Variants in CDH18 observed in about 807,000 individuals in gnomAD.
CDH18 encodes the protein cadherin-18.
A neutral mutation model predicts 67.9 loss-of-function variants in CDH18; 31 were observed. The ratio of observed to expected loss-of-function variants is 0.46; its 90% CI spans 0.34 to 0.62. The LOEUF (loss-of-function observed/expected upper bound fraction) is 0.62, where lower values mean the gene tolerates loss of function less well. Ranked by LOEUF, CDH18 falls within the 20% of genes least tolerant of loss-of-function variation. The probability of loss-of-function intolerance (pLI) is 0.01; values close to 1 mark genes in which losing one functional copy is unlikely to be tolerated. For missense variants in CDH18, 890 were observed against 975.5 expected, an observed-to-expected ratio of 0.91 and a Z score of 1.17; for synonymous variants, 362 against 347.2, an observed-to-expected ratio of 1.04 and a Z score of -0.48.
intron 2 of CDH18, among the ~76,000 whole-genome samples, chr5:19,976,250 TA>T (rs1798487976): frequency 6.6e-6 from 1 of 152,068 alleles, no homozygotes; most frequent in Non-Finnish European, 1.5e-5. Context: ...CATAATACAT[TA>T]AAAAGATCTA....
chr5:19,986,803 C>A (rs1799609522), intron 1 of CDH18, among the ~76,000 whole-genome samples: 1 of 152,096 alleles, frequency 6.6e-6, no homozygotes, highest in Non-Finnish European at 1.5e-5. Context: ...TAGGCTGGAC[C>A]TCAAACTCCT....
intron 1 of CDH18, among the ~76,000 whole-genome samples, chr5:20,427,608 T>C (rs530849917): frequency 1.3e-5 from 2 of 151,266 alleles, no homozygotes; most frequent in African/African-American, 2.5e-5. Flanking sequence ...ATTTCAGTAA[T>C]TGGTAAAATT....
At chr5:20,231,766 C>G (rs906606082) in intron 2 of CDH18, among the ~76,000 whole-genome samples, 2 of 152,020 alleles carry the variant, frequency 1.3e-5, no homozygotes, top group African/African-American at 2.4e-5. Context: ...TGTTCTGATT[C>G]CCAGATCAAT....
At chr5:19,978,638 A>G (rs1344543097) in intron 2 of CDH18, among the ~76,000 whole-genome samples, 1 of 152,130 alleles carries the variant, frequency 6.6e-6, no homozygotes, top group African/African-American at 2.4e-5. Flanking sequence ...TCCGTTCTAG[A>G]GGTACTAGGG....
intron 1 of CDH18, among the ~76,000 whole-genome samples, chr5:20,471,833 T>TTAAA (rs757184101): frequency 4.1e-4 from 21 of 51,496 alleles, no homozygotes; most frequent in African/African-American, 1.4e-3. Flanking sequence ...AGATTCAGTC[T>TTAAA]AAAAAAAAAA....
At chr5:19,661,260 A>G (rs559360542) in intron 5 of CDH18, among the ~76,000 whole-genome samples, 1 of 152,104 alleles carries the variant, frequency 6.6e-6, no homozygotes, top group East Asian at 1.9e-4. Context: ...TTTTAAGTTT[A>G]TAATAAGACT....
At chr5:20,368,718 G>A (rs1292854098) in intron 1 of CDH18, among the ~76,000 whole-genome samples, 1 of 152,144 alleles carries the variant, frequency 6.6e-6, no homozygotes. Context: ...GCATGAGCAT[G>A]CAGTACTGGC....
intron 1 of CDH18, among the ~76,000 whole-genome samples, chr5:20,309,976 C>T (rs1736845663): frequency 6.6e-6 from 1 of 150,758 alleles, no homozygotes; most frequent in Non-Finnish European, 1.5e-5. Flanking sequence ...TTATTAAACA[C>T]ATAAAAAAAT....
chr5:20,341,019 T>G (rs1248283507), intron 1 of CDH18, among the ~76,000 whole-genome samples: 4 of 152,068 alleles, frequency 2.6e-5, no homozygotes, highest in Admixed American at 6.5e-5. Flanking sequence ...TTCAGAAGTT[T>G]GGGAAACTCA....
chr5:20,430,560 T>C (rs563944386), intron 1 of CDH18, among the ~76,000 whole-genome samples: 2 of 152,318 alleles, frequency 1.3e-5, no homozygotes, highest in South Asian at 2.1e-4. Context: ...TAAAAATGTC[T>C]CCCTATAACC....
intron 3 of CDH18, among the ~76,000 whole-genome samples, chr5:19,784,017 A>C (rs1775427197): frequency 6.6e-6 from 1 of 152,138 alleles, no homozygotes; most frequent in Non-Finnish European, 1.5e-5. Context: ...GAGTAAAAAC[A>C]TTTTATTTTA....
At chr5:20,481,215 A>G (rs1752783161) in intron 1 of CDH18, among the ~76,000 whole-genome samples, 1 of 152,156 alleles carries the variant, frequency 6.6e-6, no homozygotes, top group South Asian at 2.1e-4. Context: ...GCCAAAAAAA[A>G]AAAACATAAA....
chr5:19,793,623 A>G (rs911937777), intron 3 of CDH18, among the ~76,000 whole-genome samples: 1 of 152,136 alleles, frequency 6.6e-6, no homozygotes, highest in African/African-American at 2.4e-5. Flanking sequence ...TTGCTATTAG[A>G]AACAAGAAAA....
chr5:19,915,368 G>A (rs1791646095), intron 2 of CDH18, among the ~76,000 whole-genome samples: 1 of 152,068 alleles, frequency 6.6e-6, no homozygotes, highest in Non-Finnish European at 1.5e-5. Context: ...TGGGGGTTGA[G>A]GCGCCAACCC....
intron 3 of CDH18, among the ~76,000 whole-genome samples, chr5:19,779,136 G>A (rs902503535): frequency 6.6e-6 from 1 of 152,034 alleles, no homozygotes; most frequent in African/African-American, 2.4e-5. Flanking sequence ...TTAATAGAGG[G>A]AAAACTGAGA....
intron 5 of CDH18, among the ~76,000 whole-genome samples, chr5:19,718,473 G>T (rs1765614011): frequency 6.6e-6 from 1 of 151,804 alleles, no homozygotes. Context: ...TCACTTTTCT[G>T]CACAATTTCA....
intron 2 of CDH18, among the ~76,000 whole-genome samples, chr5:19,869,174 A>G (rs2150012219): frequency 6.6e-6 from 1 of 152,346 alleles, no homozygotes; most frequent in East Asian, 1.9e-4. Flanking sequence ...CAATTAATTT[A>G]TTAATTAAGC....
At chr5:20,269,649 C>A (rs370978799) in intron 1 of CDH18, among the ~76,000 whole-genome samples, 1 of 152,134 alleles carries the variant, frequency 6.6e-6, no homozygotes, top group South Asian at 2.1e-4. Context: ...TAATCTCACT[C>A]ATAAGTGAGT....
intron 3 of CDH18, among the ~76,000 whole-genome samples, chr5:19,805,489 A>G (rs1190873261): frequency 2.0e-5 from 3 of 152,050 alleles, no homozygotes; most frequent in Admixed American, 1.3e-4. Flanking sequence ...CTCTTTCTCC[A>G]TGGCTTCAAT....
Sources: gnomAD v4.1 joint callset for allele counts (sites outside exome capture counted in the v4.1 genomes callset) on GRCh38, gnomAD v4.1.1 for gene constraint, MANE v1.5 for transcripts, NCBI Gene and HGNC (gene_info 2026-07-23, HGNC 2026-07-21) for gene names.